Variants in MRPS6 observed in about 807,000 individuals in gnomAD.
MRPS6 encodes the protein mitochondrial ribosomal protein S6.
Under a neutral mutation model 13.1 loss-of-function variants are expected in MRPS6, and 6 were observed. The ratio of observed to expected loss-of-function variants is 0.46; its 90% CI spans 0.25 to 0.91. The LOEUF is 0.91. MRPS6 is among the 40% of genes least tolerant of loss of function. The pLI is 0.18. For missense variants in MRPS6, 164 were observed against 155.6 expected, an observed-to-expected ratio of 1.05 and a Z score of -0.29; for synonymous variants, 61 against 56.5, an observed-to-expected ratio of 1.08 and a Z score of -0.36.
intron 1 of MRPS6, among the ~76,000 whole-genome samples, chr21:34,074,629 A>G (rs1989280368): frequency 6.6e-6 from 1 of 151,990 alleles, no homozygotes; most frequent in Non-Finnish European, 1.5e-5. Flanking sequence ...CGAAATCCCC[A>G]TTCTCCCGTG....
intron 1 of MRPS6, among the ~76,000 whole-genome samples, chr21:34,085,600 CT>C (rs56135810): frequency 0.066 from 8,603 of 130,120 alleles, 178 homozygotes; most frequent in Middle Eastern, 0.16. Flanking sequence ...GAAATAAGGA[CT>C]TTTTTTTTTT....
At position 34,103,315 on chromosome 21, in the gene MRPS6, T is replaced by TAAAAAAAAA; in HGVS notation, c.46-22018_46-22010dup. ...ATTTTGTCGTAACTAGTGAAGGAAGTAAAAAAAAAAAAAAAACATGCATTA... is the reference window on the plus strand; with the variant it reads ...ATTTTGTCGTAACTAGTGAAGGAAGTAAAAAAAAAAAAAAAAAAAAAAAAACATGCATTA... On this transcript the variant is annotated intron_variant, in intron 1 of 2. Coordinates refer to ENST00000399312, the MANE Select transcript of MRPS6 (RefSeq NM_032476.4). The TAAAAAAAAA allele has an allele frequency of 2.2e-5, 20 of 911,336 alleles. No homozygotes were observed. In the South Asian group the frequency reaches 2.6e-4, roughly 12 times the overall value. 56.5% of individuals were successfully genotyped at this position (911,336 alleles called of 1,614,324 possible).
At chr21:34,131,766 T>A (rs763308046) in intron 2 of MRPS6, among the ~76,000 whole-genome samples, 2 of 152,220 alleles carry the variant, frequency 1.3e-5, no homozygotes, top group Admixed American at 6.5e-5. Context: ...CATCTGTAGT[T>A]AGCAAAGCCC....
At position 34,125,371 on chromosome 21, in the gene MRPS6, A is replaced by G; in HGVS notation, c.76A>G (p.Ile26Val). The G allele has an allele frequency of 6.2e-7, 1 of 1,613,934 alleles. No homozygotes were observed. Among genetic ancestry groups the G allele is most frequent in the South Asian group, 1.1e-5 (1 of 91,074 alleles). Reference sequence around the variant, plus strand: ...GACTGCTGCTACTTTGAAACGTACGATAGAGGCCCTGATGGACAGAGGAGC... The same window carrying G: ...GACTGCTGCTACTTTGAAACGTACGGTAGAGGCCCTGATGGACAGAGGAGC... Reference protein sequence around the residue: ...PETAATLKRTIEALMDRGAIV... With the variant: ...PETAATLKRTVEALMDRGAIV... The change falls in exon 2 of 3, where the codon ATA becomes GTA. Residue 26 changes from isoleucine (I) to valine (V), a missense_variant. Ile to Val is a conservative substitution (Grantham distance 29, BLOSUM62 3). Coordinates refer to ENST00000399312, the MANE Select transcript of MRPS6 (RefSeq NM_032476.4).
chr21:34,113,547 C>A (rs918330943), intron 1 of MRPS6, among the ~76,000 whole-genome samples: 3 of 152,108 alleles, frequency 2.0e-5, no homozygotes, highest in Admixed American at 1.3e-4. Flanking sequence ...CCTATAATTC[C>A]TTTGTGTTTG....
rs530875304 is a variant in MRPS6, at chr21:34,115,788, C to T, written c.46-9553C>T. Among the ~76,000 whole-genome samples, 57 of 151,964 alleles carry T rather than the reference C, an allele frequency of 3.8e-4. 2 individuals carry two copies. In the South Asian group the frequency reaches 8.7e-3, roughly 23 times the overall value. On this transcript the variant is annotated intron_variant, in intron 1 of 2. Transcript: ENST00000399312. ...GCAAAAGAAGTTTGTCACTGAAACA[C>T]GTTTTAATTGCTCATCGTAAATCAG...
chr21:34,109,453 C>T (rs956327810), intron 1 of MRPS6, among the ~76,000 whole-genome samples: 1 of 152,148 alleles, frequency 6.6e-6, no homozygotes, highest in Non-Finnish European at 1.5e-5. Flanking sequence ...ACTGTGAGAG[C>T]CAAGTGGGGA....
intron 1 of MRPS6, among the ~76,000 whole-genome samples, chr21:34,120,177 C>G (rs1226467405): frequency 6.6e-6 from 1 of 152,182 alleles, no homozygotes; most frequent in East Asian, 1.9e-4. Flanking sequence ...GAATGTCCTT[C>G]AGAATGATGA....
intron 2 of MRPS6, among the ~76,000 whole-genome samples, chr21:34,138,711 G>A (rs1033016161): frequency 9.9e-5 from 15 of 152,234 alleles, no homozygotes; most frequent in Non-Finnish European, 1.5e-4. Context: ...GGATGTGGAG[G>A]AATAGGAACA....
chr21:34,109,249 C>T (rs557488978), intron 1 of MRPS6, among the ~76,000 whole-genome samples: 4 of 152,178 alleles, frequency 2.6e-5, no homozygotes, highest in Non-Finnish European at 2.9e-5. Context: ...TGTTAATCTT[C>T]CATGTTAAAG....
chr21:34,111,233 A>G lies in MRPS6; in HGVS notation c.46-14108A>G, dbSNP rs1019277018. Among the ~76,000 whole-genome samples, 5 of 152,234 alleles carry G rather than the reference A, an allele frequency of 3.3e-5. No individual in the cohort carries two copies. The East Asian group carries it at 7.7e-4, about 23-fold the overall frequency. On this transcript the variant is annotated intron_variant, in intron 1 of 2. Transcript: ENST00000399312. ...TTTTAGCAAGTAGGCAAATTGGCATATATGGATTCCATGATTAATGAGAAT... is the reference window on the plus strand; with the variant it reads ...TTTTAGCAAGTAGGCAAATTGGCATGTATGGATTCCATGATTAATGAGAAT...
chr21:34,130,598 G>C (rs7277722), intron 2 of MRPS6, among the ~76,000 whole-genome samples: 3,275 of 152,280 alleles, frequency 0.022, 125 homozygotes, highest in African/African-American at 0.073. Context: ...AGAGAGTTTT[G>C]TAGCATGTGA....
chr21:34,111,867 G>C (rs1457327825), intron 1 of MRPS6, among the ~76,000 whole-genome samples: 1 of 145,644 alleles, frequency 6.9e-6, no homozygotes, highest in South Asian at 2.2e-4. Context: ...TTTTGTTGCT[G>C]TATTGTTCCC....
At chr21:34,099,967 T>C in intron 1 of MRPS6, 2 of 480,752 alleles carry the variant, frequency 4.2e-6, no homozygotes, top group Non-Finnish European at 5.6e-6. Context: ...TTAGAATGAT[T>C]GTTCCTGGAA....
intron 1 of MRPS6, chr21:34,095,779 T>C (rs772454611): frequency 1.2e-5 from 19 of 1,613,910 alleles, no homozygotes; most frequent in East Asian, 2.2e-5. Flanking sequence ...CTCATGATCA[T>C]TGGGGCACTT....
intron 1 of MRPS6, chr21:34,105,782 C>T: frequency 2.0e-6 from 2 of 994,180 alleles, no homozygotes; most frequent in Non-Finnish European, 2.4e-6. Flanking sequence ...GTATCCATCT[C>T]ATTGTACAGT....
chr21:34,097,365 T>A (rs753047520), intron 1 of MRPS6: 1 of 1,580,040 alleles, frequency 6.3e-7, no homozygotes, highest in Non-Finnish European at 8.6e-7. Flanking sequence ...AACTTAAGGA[T>A]ATGGTGAGAC....
At chr21:34,095,949 C>T (rs762880811) in intron 1 of MRPS6, 4 of 1,614,140 alleles carry the variant, frequency 2.5e-6, no homozygotes, top group East Asian at 2.2e-5. Flanking sequence ...CCTGAAAATG[C>T]TGCGGAATCC....
intron 1 of MRPS6, among the ~76,000 whole-genome samples, chr21:34,113,590 G>A (rs909345346): frequency 6.6e-6 from 1 of 152,152 alleles, no homozygotes; most frequent in African/African-American, 2.4e-5. Flanking sequence ...ACAGAATAGA[G>A]CAGTCCATCA....
Sources: gnomAD v4.1 joint callset for allele counts (sites outside exome capture counted in the v4.1 genomes callset) on GRCh38, gnomAD v4.1.1 for gene constraint, MANE v1.5 for transcripts, NCBI Gene and HGNC (gene_info 2026-07-23, HGNC 2026-07-21) for gene names.